The following MRAP2 variants were observed in gnomAD, a reference collection of about 807,000 sequenced individuals.
The protein encoded by MRAP2 is melanocortin-2 receptor accessory protein 2.
MRAP2 carries 20 observed loss-of-function variants against 17.4 expected under a neutral mutation model. The observed-to-expected ratio is 1.15, with a 90% CI of 0.81 to 1.67. The LOEUF is 1.67. Among genes scored for constraint, MRAP2 ranks in the 40% most tolerant of loss-of-function variants. MRAP2 has a pLI of 0.00. For synonymous variants in MRAP2, 96 were observed against 88.4 expected, an observed-to-expected ratio of 1.09 and a Z score of -0.48; for missense variants, 238 against 240.0, an observed-to-expected ratio of 0.99 and a Z score of 0.05.
rs771466164 is a variant in MRAP2, at chr6:84,059,465, T to G, written c.128-3428T>G. 9.7e-4 allele frequency among the ~76,000 whole-genome samples: 147 copies of G among 152,330 alleles called. 2 individuals are homozygous for G. Among genetic ancestry groups the G allele is most frequent in the South Asian group, 1.2e-3 (6 of 4,822 alleles). ...TCTCTTTCAAGTGAAGTATTAACCC[T>G]TGTTTTTCATATAACCACGAAGTGG... On this transcript the variant is annotated intron_variant, in intron 2 of 3. Coordinates refer to ENST00000257776, the MANE Select transcript of MRAP2 (RefSeq NM_138409.4).
At chr6:84,093,525 G>A (rs1388077466), downstream of MRAP2, among the ~76,000 whole-genome samples, 2 of 151,768 alleles carry the variant, frequency 1.3e-5, no homozygotes, top group Non-Finnish European at 2.9e-5. Flanking sequence ...TAACAGCAAA[G>A]AGAAAGAGAA....
intron 3 of MRAP2, among the ~76,000 whole-genome samples, chr6:84,067,735 T>TG: frequency 6.8e-6 from 1 of 146,028 alleles, no homozygotes; most frequent in South Asian, 2.2e-4. Flanking sequence ...GAATTGTTTT[T>TG]TTTTTTTTTT....
At chr6:84,100,282 A>G in the MRAP2 span, among the ~76,000 whole-genome samples, 5 of 152,094 alleles carry the variant, frequency 3.3e-5, no homozygotes, top group East Asian at 9.7e-4. Context: ...TTGGTTTTTG[A>G]GACAGGGTCT....
chr6:84,073,562 GT>G (rs2099496790), intron 3 of MRAP2, among the ~76,000 whole-genome samples: 1 of 152,188 alleles, frequency 6.6e-6, no homozygotes, highest in Non-Finnish European at 1.5e-5. Context: ...ACACTGCTCT[GT>G]CCATCCAAGT....
downstream of MRAP2, among the ~76,000 whole-genome samples, chr6:84,092,437 T>C (rs2099501923): frequency 1.3e-5 from 2 of 152,204 alleles, no homozygotes; most frequent in South Asian, 4.1e-4. Flanking sequence ...GTCACATGTA[T>C]TACCTAAATC....
chr6:84,045,613 A>G (rs185339817), intron 1 of MRAP2, among the ~76,000 whole-genome samples: 19 of 152,242 alleles, frequency 1.2e-4, no homozygotes, highest in African/African-American at 4.6e-4. Context: ...AAATACAAAA[A>G]TTAGCTGGGC....
At chr6:84,130,703 A>G in the MRAP2 span, among the ~76,000 whole-genome samples, 1 of 151,946 alleles carries the variant, frequency 6.6e-6, no homozygotes, top group African/African-American at 2.4e-5. Context: ...CGGTGGTGAT[A>G]TCCCCTTTAT....
downstream of MRAP2, among the ~76,000 whole-genome samples, chr6:84,095,566 C>T (rs2099502529): frequency 6.6e-6 from 1 of 152,176 alleles, no homozygotes; most frequent in Non-Finnish European, 1.5e-5. Flanking sequence ...AGGTTAAATT[C>T]AATGGATTTT....
chr6:84,117,757 G>T, the MRAP2 span, among the ~76,000 whole-genome samples: 9 of 151,966 alleles, frequency 5.9e-5, no homozygotes, highest in African/African-American at 2.2e-4. Flanking sequence ...CTGGGGGTCT[G>T]CTCCAGATCC....
At chr6:84,084,209 A>C (rs2099499712) in intron 3 of MRAP2, among the ~76,000 whole-genome samples, 1 of 152,218 alleles carries the variant, frequency 6.6e-6, no homozygotes, top group South Asian at 2.1e-4. Flanking sequence ...AATTTTTAGT[A>C]ACAAATCTAT....
chr6:84,125,346 A>G, the MRAP2 span: 1 of 1,357,376 alleles, frequency 7.4e-7, no homozygotes. Flanking sequence ...TAACAATCTT[A>G]AAGTAGGCAA....
intron 1 of MRAP2, 97 bp from the exon 2 acceptor site, chr6:84,055,215 C>T (rs906495370): frequency 7.0e-7 from 1 of 1,433,754 alleles, no homozygotes; most frequent in Non-Finnish European, 9.4e-7. Context: ...AAGGGGTTTG[C>T]TGCCAAACTC....
At chr6:84,039,853 A>G (rs2099487057) in intron 1 of MRAP2, among the ~76,000 whole-genome samples, 2 of 152,238 alleles carry the variant, frequency 1.3e-5, no homozygotes, top group African/African-American at 4.8e-5. Flanking sequence ...TTAGGAGCTG[A>G]GTGAGAGAAT....
the MRAP2 span, among the ~76,000 whole-genome samples, chr6:84,104,090 T>C: frequency 1.5e-3 from 228 of 152,320 alleles, 2 homozygotes; most frequent in African/African-American, 5.3e-3. Context: ...AAAGCAGGTA[T>C]ACATGGGAAA....
chr6:84,069,418 C>T (rs2099495625), intron 3 of MRAP2, among the ~76,000 whole-genome samples: 1 of 152,114 alleles, frequency 6.6e-6, no homozygotes, highest in South Asian at 2.1e-4. Flanking sequence ...TATGTTAAAC[C>T]ATCCCTGCAT....
chr6:84,074,933 C>G (rs2099497198), intron 3 of MRAP2, among the ~76,000 whole-genome samples: 1 of 152,160 alleles, frequency 6.6e-6, no homozygotes, highest in Non-Finnish European at 1.5e-5. Flanking sequence ...TCTGGAATCA[C>G]TAACTACTTA....
chr6:84,075,231 T>G (rs937745718), intron 3 of MRAP2, among the ~76,000 whole-genome samples: 2 of 152,044 alleles, frequency 1.3e-5, no homozygotes, highest in Non-Finnish European at 2.9e-5. Context: ...CCACAGCTCA[T>G]TAGTCAGAAC....
intron 3 of MRAP2, among the ~76,000 whole-genome samples, chr6:84,079,110 C>A (rs899766350): frequency 6.6e-6 from 1 of 152,156 alleles, no homozygotes; most frequent in Non-Finnish European, 1.5e-5. Flanking sequence ...TTTTCAACAA[C>A]GTTCAAAGTA....
chr6:84,092,022 G>A (rs1202027140), downstream of MRAP2, among the ~76,000 whole-genome samples: 1 of 152,206 alleles, frequency 6.6e-6, no homozygotes. Flanking sequence ...TGTTAGCACA[G>A]CAGCATTCCA....
Sources: allele counts gnomAD v4.1 joint callset (sites outside exome capture counted in the v4.1 genomes callset), GRCh38; gene constraint gnomAD v4.1.1; transcripts MANE v1.5; gene names NCBI Gene and HGNC (gene_info 2026-07-23, HGNC 2026-07-21).